The following BOP1 variants were observed in gnomAD, a reference collection of about 807,000 sequenced individuals.
The protein encoded by BOP1 is BOP1 ribosomal biogenesis factor.
Under a neutral mutation model 82.9 loss-of-function variants are expected in BOP1, and 54 were observed. The ratio of observed to expected loss-of-function variants is 0.65; its 90% CI spans 0.52 to 0.82. BOP1 has a LOEUF of 0.82. Ranked by LOEUF, BOP1 falls within the 40% of genes least tolerant of loss-of-function variation. The probability of loss-of-function intolerance (pLI) is 0.00; values close to 1 mark genes in which losing one functional copy is unlikely to be tolerated. For missense variants in BOP1, 1,170 were observed against 1,072.0 expected (o/e 1.09, Z -1.28); for synonymous variants, 566 against 451.1 (o/e 1.25, Z -3.23).
At chr8:144,282,693 C>A (rs1220432844) in intron 2 of BOP1, among the ~76,000 whole-genome samples, 1 of 152,066 alleles carries the variant, frequency 6.6e-6, no homozygotes, top group African/African-American at 2.4e-5. Context: ...CTTCTTGGGC[C>A]CTGTCCCTGT....
chr8:144,278,243 G>GGTGCCAGGAGCTCGGCA (rs58097203), intron 2 of BOP1, among the ~76,000 whole-genome samples: 78,991 of 151,612 alleles, frequency 0.52, 20,995 homozygotes, highest in African/African-American at 0.61. Context: ...GCAAGGACGA[G>GGTGCCAGGAGCTCGGCA]GTGCCAGCAG....
chr8:144,276,384 C>T, intron 2 of BOP1, 80 bp from the exon 3 acceptor site: 1 of 1,509,888 alleles, frequency 6.6e-7, no homozygotes, highest in African/African-American at 1.4e-5. Context: ...GGAAGCCCAC[C>T]ACCCCGAAAT....
chr8:144,289,824 C>T (rs782354623), intron 1 of BOP1, among the ~76,000 whole-genome samples: 10 of 152,216 alleles, frequency 6.6e-5, no homozygotes, highest in African/African-American at 9.7e-5. Context: ...CTGAAGCAGA[C>T]GCCTCCTCAT....
chr8:144,276,180 G>C, intron 3 of BOP1, 44 bp downstream of exon 3: 3 of 1,608,088 alleles, frequency 1.9e-6, no homozygotes, highest in Non-Finnish European at 2.5e-6. Flanking sequence ...GGCTGTGATG[G>C]AAGCCGCCCC....
chr8:144,267,141 A>G, intron 3 of BOP1: 1 of 1,524,958 alleles, frequency 6.6e-7, no homozygotes, highest in African/African-American at 1.4e-5. Flanking sequence ...CCCAGCCCAA[A>G]CAGATCTGCA....
rs931425958 is a variant in BOP1, at chr8:144,264,134, C to A, written c.987G>T (p.Ala329=). The A allele has an allele frequency of 4.3e-6, 7 of 1,610,732 alleles. No homozygotes were observed. In the East Asian group the frequency reaches 1.1e-4, roughly 26 times the overall value. Residue 329 remains alanine (A), a synonymous_variant, in exon 8 of 16, where the codon GCG becomes GCT. Coordinates refer to ENST00000569669, the MANE Select transcript of BOP1 (RefSeq NM_015201.5). ...EYLLSEEERL[A]WEQQEPGERK... ...TCTCGCCTGGCTCCTGCTGTTCCCA[C>A]GCCAAGCGCTGTGGAGACCAAGACA...
In BOP1 at chr8:144,263,407, A is replaced by C; in HGVS notation, c.1425-6T>G. 6.3e-7 allele frequency: 1 copy of C among 1,597,810 alleles called. No individual in the cohort carries two copies. Among genetic ancestry groups the C allele is most frequent in the Non-Finnish European group, 8.5e-7 (1 of 1,179,624 alleles). Reference sequence around the variant, plus strand: ...GCAGCAGCACCGAGTCCTCCCTGTGAGCCAGGCCCAGACACGGCCCCTAAG... The same window carrying C: ...GCAGCAGCACCGAGTCCTCCCTGTGCGCCAGGCCCAGACACGGCCCCTAAG... On this transcript the variant is annotated splice_polypyrimidine_tract_variant and splice_region_variant and intron_variant, in intron 11 of 15. Coordinates refer to ENST00000569669, the MANE Select transcript of BOP1 (RefSeq NM_015201.5).
Position 144,276,223 on chromosome 8 carries a change from C to A in BOP1, c.390+1G>T. The A allele has an allele frequency of 6.2e-7, 1 of 1,613,228 alleles. No homozygotes were observed. The highest frequency in any genetic ancestry group is 8.5e-7 in the Non-Finnish European group (1 of 1,179,798). On this transcript the variant is annotated splice_donor_variant, in intron 3 of 15. Transcript: ENST00000569669. LOFTEE classifies it high-confidence loss of function. ...CCAGTGGGAAGCAGCCCCAGTCCTACCTCCTCATCAGAGCTGTCCTCCGCA... is the reference window on the plus strand; with the variant it reads ...CCAGTGGGAAGCAGCCCCAGTCCTAACTCCTCATCAGAGCTGTCCTCCGCA...
At chr8:144,273,899 A>T (rs2130233928) in intron 3 of BOP1, among the ~76,000 whole-genome samples, 1 of 152,200 alleles carries the variant, frequency 6.6e-6, no homozygotes, top group East Asian at 1.9e-4. Flanking sequence ...CACCTGGGGG[A>T]GGGGAATAAG....
rs781803290 is a variant in BOP1, at chr8:144,289,170, G to A, written c.234C>T (p.Asp78=). The A allele has an allele frequency of 1.1e-5, 18 of 1,613,962 alleles. No homozygotes were observed. The highest frequency in any genetic ancestry group is 1.6e-4 in the Middle Eastern group (1 of 6,084). The part of the protein sequence containing the change: ...SDSSEDDDEG[D]EEGEDGALDD... ...CAAGGGCTCCGTCCTCTCCCTCCTCGTCGCCTTCGTCATCATCCTCACTGC... is the reference window on the plus strand; with the variant it reads ...CAAGGGCTCCGTCCTCTCCCTCCTCATCGCCTTCGTCATCATCCTCACTGC... Residue 78 remains aspartate (D), a synonymous_variant, in exon 2 of 16, where the codon GAC becomes GAT. Transcript: ENST00000569669.
intron 3 of BOP1, chr8:144,267,255 C>T (rs1381402701): frequency 2.8e-6 from 4 of 1,420,396 alleles, no homozygotes; most frequent in African/African-American, 1.5e-5. Context: ...GCAGAGGAGG[C>T]GAGGCCACAC....
chr8:144,263,944 C>A (rs975502670), intron 8 of BOP1, 33 bp from the exon 9 acceptor site: 5 of 1,611,262 alleles, frequency 3.1e-6, no homozygotes, highest in Non-Finnish European at 3.4e-6. Flanking sequence ...CAGCCTTGCC[C>A]CCTGTGCCAC....
At position 144,276,317 on chromosome 8, in the gene BOP1, A is replaced by G. The variant is rs2130239583; in HGVS notation, c.310-13T>C. On this transcript the variant is annotated splice_polypyrimidine_tract_variant and intron_variant, in intron 2 of 15. Coordinates refer to ENST00000569669, the MANE Select transcript of BOP1 (RefSeq NM_015201.5). ...AAGGAGTGCTGGCCTGCAGAGAGAG[A>G]GAGAAAATGGTCACTTCAGGGGATA... The G allele has an allele frequency of 6.2e-7, 1 of 1,612,406 alleles. No individual in the cohort carries two copies. Among genetic ancestry groups the G allele is most frequent in the African/African-American group, 1.3e-5 (1 of 75,018 alleles).
At chr8:144,276,350 C>G (rs1845568004) in intron 2 of BOP1, 46 bp from the exon 3 acceptor site, 6 of 1,600,720 alleles carry the variant, frequency 3.7e-6, no homozygotes, top group Non-Finnish European at 5.1e-6. Context: ...ATACAGGGTA[C>G]CCTTTGACCT....
At chr8:144,278,065 C>A (rs1319869161) in intron 2 of BOP1, among the ~76,000 whole-genome samples, 1 of 152,246 alleles carries the variant, frequency 6.6e-6, no homozygotes, top group South Asian at 2.1e-4. Context: ...GTCTCCAGCA[C>A]CACCCGCAGT....
chr8:144,278,294 C>G (rs1022148738), intron 2 of BOP1, among the ~76,000 whole-genome samples: 10 of 152,086 alleles, frequency 6.6e-5, no homozygotes. Context: ...TGCTGTAGTC[C>G]CTGAACCCTG....
chr8:144,266,770 CGGCGGAG>C, intron 3 of BOP1: 1 of 1,055,528 alleles, frequency 9.5e-7, no homozygotes, highest in Non-Finnish European at 1.1e-6. Flanking sequence ...CCAGGGCGCC[CGGCGGAG>C]GGCGGGGGGC....
chr8:144,264,114 C>T lies in BOP1; in HGVS notation c.1007G>A (p.Gly336Asp), dbSNP rs1845302499. The T allele has an allele frequency of 1.2e-6, 2 of 1,610,430 alleles. No individual in the cohort carries two copies. The highest frequency in any genetic ancestry group is 2.7e-5 in the African/African-American group (2 of 74,900). ...TGGCAAAAAGCTCAGCTTCCTCTCG[C>T]CTGGCTCCTGCTGTTCCCACGCCAA... ...ERLAWEQQEP[G>D]ERKLSFLPRK... is the part of the protein sequence containing the mutation. Residue 336 changes from glycine to aspartate, a missense_variant, in exon 8 of 16, where the codon GGC becomes GAC. Transcript: ENST00000569669.
rs1845565913 is a variant in BOP1, at chr8:144,276,218, T to C, written c.390+6A>G. ...CCTGCCCAGTGGGAAGCAGCCCCAGTCCTACCTCCTCATCAGAGCTGTCCT... is the reference window on the plus strand; with the variant it reads ...CCTGCCCAGTGGGAAGCAGCCCCAGCCCTACCTCCTCATCAGAGCTGTCCT... On this transcript the variant is annotated splice_donor_region_variant and intron_variant, in intron 3 of 15. Transcript: ENST00000569669. 1.7e-5 allele frequency: 27 copies of C among 1,612,932 alleles called. No individual in the cohort carries two copies. The highest frequency in any genetic ancestry group is 1.8e-4 in the Middle Eastern group (1 of 5,552).
Sources: allele counts gnomAD v4.1 joint callset (sites outside exome capture counted in the v4.1 genomes callset), GRCh38; gene constraint gnomAD v4.1.1; transcripts MANE v1.5; gene names NCBI Gene and HGNC (gene_info 2026-07-23, HGNC 2026-07-21).